TAF4: variants seen among roughly 807,000 people sequenced by gnomAD.
TAF4 encodes TATA-box binding protein associated factor 4.
A neutral mutation model predicts 90.3 loss-of-function variants in TAF4; 9 were observed. The observed-to-expected ratio is 0.10, with a 90% CI of 0.06 to 0.17. The LOEUF is 0.17. TAF4 is among the 10% of genes least tolerant of loss of function. The probability of loss-of-function intolerance (pLI) is 1.00; values close to 1 mark genes in which losing one functional copy is unlikely to be tolerated. For synonymous variants in TAF4, 818 were observed against 638.9 expected (o/e 1.28, Z -4.23); for missense variants, 1,351 against 1,370.7 (o/e 0.99, Z 0.23).
chr20:62,041,097 C>G (rs1330331128), intron 1 of TAF4, among the ~76,000 whole-genome samples: 1 of 151,956 alleles, frequency 6.6e-6, no homozygotes, highest in Admixed American at 6.5e-5. Context: ...TTTCAGCGAC[C>G]TGAGCGCTCC....
At chr20:62,033,019 A>G (rs764148171) in intron 1 of TAF4, among the ~76,000 whole-genome samples, 8 of 152,014 alleles carry the variant, frequency 5.3e-5, no homozygotes, top group Non-Finnish European at 2.9e-5. Context: ...TGCGGGGGGA[A>G]AAAAAGAGGG....
chr20:62,064,460 G>C lies in TAF4; in HGVS notation c.1351C>G (p.Leu451Val). Residue 451 changes from leucine to valine, a missense_variant, in exon 1 of 15, where the codon CTG becomes GTG. Transcript: ENST00000252996. The part of the protein sequence containing the change: ...QNPTNIQNFQ[L>V]PPGMVLVRSE... ...CCGTGCGGCCACTCACCTGGGGGCA[G>C]CTGGAAGTTCTGGATGTTGGTCGGG... 1 of 1,449,756 alleles carries C rather than the reference G, an allele frequency of 6.9e-7. No homozygotes were observed. Among genetic ancestry groups the C allele is most frequent in the Non-Finnish European group, 9.1e-7 (1 of 1,095,542 alleles). 89.8% of individuals were successfully genotyped at this position (1,449,756 alleles called of 1,614,324 possible).
rs367619100 is a variant in TAF4 at position 62,000,735 on chromosome 20, G to A, written c.2487-14C>T. The A allele has an allele frequency of 5.7e-5, 92 of 1,613,936 alleles. 1 individual carries two copies. In the African/African-American group the frequency reaches 1.2e-3, roughly 20 times the overall value. ...TCATCATCGTCCCTTGAGGAAAGAA[G>A]GGAAGATCACTTTAACTGTACAAGG... is the stretch of plus-strand genomic sequence containing the variant. On this transcript the variant is annotated splice_polypyrimidine_tract_variant and intron_variant, in intron 9 of 14. Coordinates refer to ENST00000252996, the MANE Select transcript of TAF4 (RefSeq NM_003185.4).
chr20:62,013,991 C>T (rs1486218033), intron 2 of TAF4, among the ~76,000 whole-genome samples: 4 of 145,442 alleles, frequency 2.8e-5, no homozygotes, highest in East Asian at 2.0e-4. Context: ...TCGGGAGCTT[C>T]GGCCCTGAAG....
At chr20:62,000,485 C>T (rs747749543) in intron 10 of TAF4, 67 bp downstream of exon 10, 6 of 1,548,796 alleles carry the variant, frequency 3.9e-6, no homozygotes, top group Non-Finnish European at 5.3e-6. Context: ...GGTGTGCTCA[C>T]CTGAAGCTCC....
At chr20:61,998,956 C>T (rs6142916) in intron 12 of TAF4, 27 bp downstream of exon 12, 22,472 of 1,609,720 alleles carry the variant, frequency 0.014, 261 homozygotes, top group African/African-American at 0.053. Context: ...GGTGCCCAGA[C>T]GGCAGCAGCA....
intron 12 of TAF4, among the ~76,000 whole-genome samples, chr20:61,998,557 C>T (rs2055678029): frequency 2.0e-5 from 3 of 152,180 alleles, no homozygotes; most frequent in Non-Finnish European, 2.9e-5. Flanking sequence ...GTGATCAAAG[C>T]AAGTGCTCCT....
chr20:62,025,743 G>C (rs535262924), intron 1 of TAF4, among the ~76,000 whole-genome samples: 25 of 152,230 alleles, frequency 1.6e-4, no homozygotes, highest in African/African-American at 6.0e-4. Flanking sequence ...TTTTTTTATA[G>C]CAATGTAAGA....
intron 1 of TAF4, among the ~76,000 whole-genome samples, chr20:62,015,542 GC>G (rs937777738): frequency 2.6e-5 from 4 of 152,212 alleles, no homozygotes; most frequent in Non-Finnish European, 5.9e-5. Context: ...TCGGCAGACA[GC>G]CCAGCACCAA....
At chr20:62,000,779 C>T (rs2055695112) in intron 9 of TAF4, 58 bp from the exon 10 acceptor site, 1 of 1,595,648 alleles carries the variant, frequency 6.3e-7, no homozygotes, top group Admixed American at 1.7e-5. Context: ...GGGAGGTGGG[C>T]TGGGGTGGTA....
At chr20:62,021,007 C>T (rs2123161091) in intron 1 of TAF4, among the ~76,000 whole-genome samples, 1 of 152,218 alleles carries the variant, frequency 6.6e-6, no homozygotes, top group Non-Finnish European at 1.5e-5. Flanking sequence ...AGACCTTCCC[C>T]GTGTTTCCAG....
Position 62,065,790 on chromosome 20 carries a change from C to T in TAF4, c.21G>A (p.Leu7=). MAAGSD[L]LDEVFFNSEV... is the part of the protein sequence containing the mutation. ...CGCTGTTGAAGAAGACCTCGTCCAG[C>T]AGATCCGAGCCCGCCGCCATCTTTT... The change falls in exon 1 of 15, where the codon CTG becomes CTA. Residue 7 remains leucine, a synonymous_variant. Coordinates refer to ENST00000252996, the MANE Select transcript of TAF4 (RefSeq NM_003185.4). 1.5e-6 allele frequency: 2 copies of T among 1,321,168 alleles called. No individual in the cohort carries two copies. The highest frequency in any genetic ancestry group is 1.6e-5 in the African/African-American group (1 of 63,380). The allele number at this position is 1,321,168 out of a possible 1,614,324, so 81.8% of individuals were successfully genotyped here.
chr20:62,055,870 C>T (rs1054969454), intron 1 of TAF4, among the ~76,000 whole-genome samples: 1 of 152,212 alleles, frequency 6.6e-6, no homozygotes, highest in Non-Finnish European at 1.5e-5. Context: ...GGGCTGTCAG[C>T]CTGGGACCCC....
At chr20:61,988,546 A>G (rs903061991) in intron 14 of TAF4, among the ~76,000 whole-genome samples, 35 of 152,214 alleles carry the variant, frequency 2.3e-4, no homozygotes, top group Admixed American at 1.2e-3. Flanking sequence ...AAAGTTAAAA[A>G]AAGAAGACTT....
Position 61,999,010 on chromosome 20 carries a change from C to T in TAF4, c.2886G>A (p.Glu962=). The part of the protein sequence containing the change: ...QIEKQRKDEQ[E]REILMRAAKS... ...TTGCTGCCCTCATCAGGATCTCCCG[C>T]TCCTGCTCATCCTTCCTCTGCTTTT... The change falls in exon 12 of 15, where the codon GAG becomes GAA. Residue 962 remains glutamate (E), a synonymous_variant. Coordinates refer to ENST00000252996, the MANE Select transcript of TAF4 (RefSeq NM_003185.4). The T allele has an allele frequency of 1.2e-6, 2 of 1,614,074 alleles. No homozygotes were observed. The highest frequency in any genetic ancestry group is 8.5e-7 in the Non-Finnish European group (1 of 1,180,046).
At chr20:62,056,650 G>A (rs1434998632) in intron 1 of TAF4, among the ~76,000 whole-genome samples, 1 of 152,088 alleles carries the variant, frequency 6.6e-6, no homozygotes, top group Non-Finnish European at 1.5e-5. Flanking sequence ...TTGGGTCACA[G>A]GAGAACTGTA....
At chr20:62,064,342 G>A in intron 1 of TAF4, 109 bp downstream of exon 1, 9 of 1,205,904 alleles carry the variant, frequency 7.5e-6, no homozygotes, top group Non-Finnish European at 6.3e-6. Context: ...TCCAGCCACG[G>A]GCCTACGGGA....
chr20:61,987,982 A>G (rs1031285350), intron 14 of TAF4, among the ~76,000 whole-genome samples: 2 of 152,240 alleles, frequency 1.3e-5, no homozygotes, highest in African/African-American at 4.8e-5. Context: ...AGAAGGCTGC[A>G]TAATTTCAAC....
intron 1 of TAF4, among the ~76,000 whole-genome samples, chr20:62,041,139 G>A (rs917743196): frequency 2.2e-4 from 33 of 152,294 alleles, no homozygotes; most frequent in African/African-American, 6.3e-4. Flanking sequence ...GGCGAGAGGC[G>A]GCCCAGAGAA....
Sources: gnomAD v4.1 joint callset for allele counts (sites outside exome capture counted in the v4.1 genomes callset) on GRCh38, gnomAD v4.1.1 for gene constraint, MANE v1.5 for transcripts, NCBI Gene and HGNC (gene_info 2026-07-23, HGNC 2026-07-21) for gene names.